The following ROBO2 variants were observed in gnomAD, a reference collection of about 807,000 sequenced individuals.
The protein encoded by ROBO2 is roundabout homolog 2.
Under a neutral mutation model 160.8 loss-of-function variants are expected in ROBO2, and 53 were observed. The ratio of observed to expected loss-of-function variants is 0.33; its 90% CI spans 0.26 to 0.41. ROBO2 has a LOEUF of 0.41. Among genes scored for constraint, ROBO2 ranks in the 10% least tolerant of loss-of-function variants. The pLI is 1.00. For missense variants in ROBO2, 1,577 were observed against 1,722.4 expected, an observed-to-expected ratio of 0.92 and a Z score of 1.49; for synonymous variants, 664 against 611.7, an observed-to-expected ratio of 1.09 and a Z score of -1.26.
chr3:76,854,622 A>G (rs2069838524), intron 2 of ROBO2, among the ~76,000 whole-genome samples: 1 of 152,128 alleles, frequency 6.6e-6, no homozygotes. Context: ...CTTGTTTCAG[A>G]TTTCTGCAAA....
At chr3:77,392,776 C>T (rs1439079288) in intron 2 of ROBO2, among the ~76,000 whole-genome samples, 1 of 152,116 alleles carries the variant, frequency 6.6e-6, no homozygotes, top group Admixed American at 6.5e-5. Context: ...AAACATAGTA[C>T]TATTTTTTTA....
chr3:76,793,339 AAAACCC>A (rs2063486608), intron 2 of ROBO2, among the ~76,000 whole-genome samples: 2 of 151,904 alleles, frequency 1.3e-5, no homozygotes, highest in South Asian at 4.1e-4. Flanking sequence ...ACAAAATGCC[AAAACCC>A]AAGATCCACA....
intron 2 of ROBO2, among the ~76,000 whole-genome samples, chr3:76,821,465 A>G (rs1319031515): frequency 6.6e-6 from 1 of 152,056 alleles, no homozygotes. Context: ...AATTTTTAAA[A>G]TCATACCTAT....
At chr3:76,720,064 T>G (rs558671161) in intron 2 of ROBO2, among the ~76,000 whole-genome samples, 2 of 152,228 alleles carry the variant, frequency 1.3e-5, no homozygotes, top group South Asian at 4.1e-4. Flanking sequence ...TGCGATGGAA[T>G]TAGGAGATGG....
intron 2 of ROBO2, among the ~76,000 whole-genome samples, chr3:77,207,939 A>C (rs181726334): frequency 8.3e-4 from 127 of 152,288 alleles, no homozygotes; most frequent in Non-Finnish European, 1.3e-3. Flanking sequence ...GATTTCATAC[A>C]CAACAGGAGC....
At chr3:76,002,881 C>T (rs2065926795) in intron 2 of ROBO2, among the ~76,000 whole-genome samples, 1 of 152,148 alleles carries the variant, frequency 6.6e-6, no homozygotes, top group Admixed American at 6.5e-5. Flanking sequence ...AACTCTGAGA[C>T]AGTACACTTC....
intron 2 of ROBO2, among the ~76,000 whole-genome samples, chr3:77,199,572 G>A (rs527793704): frequency 1.6e-3 from 241 of 151,446 alleles, no homozygotes; most frequent in Admixed American, 3.0e-3. Flanking sequence ...TATTCATAGC[G>A]GACACTCAGT....
intron 2 of ROBO2, among the ~76,000 whole-genome samples, chr3:77,309,902 A>G (rs2063399836): frequency 6.6e-6 from 1 of 152,242 alleles, no homozygotes; most frequent in Non-Finnish European, 1.5e-5. Context: ...ATTAATGCCA[A>G]AAGTGATTTC....
intron 2 of ROBO2, among the ~76,000 whole-genome samples, chr3:76,093,392 T>G (rs2069310236): frequency 6.6e-6 from 1 of 151,346 alleles, no homozygotes; most frequent in Non-Finnish European, 1.5e-5. Context: ...ACAATTTTCT[T>G]TCTGTCAAAA....
At chr3:77,263,648 T>C (rs1359367977) in intron 2 of ROBO2, among the ~76,000 whole-genome samples, 3 of 152,236 alleles carry the variant, frequency 2.0e-5, no homozygotes, top group Non-Finnish European at 4.4e-5. Context: ...TTATCTAGTC[T>C]ATCACTGATG....
At chr3:76,927,239 TC>T (rs1218631591) in intron 2 of ROBO2, among the ~76,000 whole-genome samples, 1 of 152,168 alleles carries the variant, frequency 6.6e-6, no homozygotes, top group Admixed American at 6.5e-5. Flanking sequence ...TGAAATACAT[TC>T]CCATAATGTT....
At chr3:76,635,092 G>A (rs2090255264) in intron 2 of ROBO2, among the ~76,000 whole-genome samples, 2 of 152,136 alleles carry the variant, frequency 1.3e-5, no homozygotes, top group African/African-American at 4.8e-5. Flanking sequence ...CCAAAATGTC[G>A]GGGACCGCTG....
intron 2 of ROBO2, among the ~76,000 whole-genome samples, chr3:76,923,366 G>T (rs1011622937): frequency 6.6e-6 from 1 of 152,196 alleles, no homozygotes; most frequent in Non-Finnish European, 1.5e-5. Flanking sequence ...ACTATGATTT[G>T]CTCTAGAAGG....
chr3:77,188,810 T>G (rs2081524154), intron 2 of ROBO2, among the ~76,000 whole-genome samples: 6 of 151,982 alleles, frequency 3.9e-5, no homozygotes. Flanking sequence ...AGAATTATAG[T>G]CTTACATAGA....
chr3:77,019,412 A>G (rs1371649519), intron 2 of ROBO2, among the ~76,000 whole-genome samples: 2 of 152,194 alleles, frequency 1.3e-5, no homozygotes, highest in Non-Finnish European at 2.9e-5. Flanking sequence ...ACTAACTGAT[A>G]ACATCACATT....
intron 2 of ROBO2, among the ~76,000 whole-genome samples, chr3:75,999,975 AAG>A (rs1370555182): frequency 1.3e-5 from 2 of 152,218 alleles, no homozygotes; most frequent in Admixed American, 6.5e-5. Flanking sequence ...TCTTTAATAA[AAG>A]AAATATTTAT....
At chr3:76,900,571 G>A (rs955629865) in intron 2 of ROBO2, among the ~76,000 whole-genome samples, 1 of 152,098 alleles carries the variant, frequency 6.6e-6, no homozygotes, top group African/African-American at 2.4e-5. Context: ...AAACAATGTT[G>A]GTTATTGGAA....
At chr3:77,103,361 G>A (rs1020497871) in intron 2 of ROBO2, among the ~76,000 whole-genome samples, 17 of 151,834 alleles carry the variant, frequency 1.1e-4, no homozygotes, top group African/African-American at 3.6e-4. Context: ...CGCTTTAGTG[G>A]CAAGGAGGTT....
intron 2 of ROBO2, among the ~76,000 whole-genome samples, chr3:76,163,954 G>A (rs1402892153): frequency 6.6e-6 from 1 of 152,112 alleles, no homozygotes; most frequent in Non-Finnish European, 1.5e-5. Context: ...TTTCACAAAA[G>A]ATTTCTCTGT....
Sources: allele counts gnomAD v4.1 joint callset (sites outside exome capture counted in the v4.1 genomes callset), GRCh38; gene constraint gnomAD v4.1.1; transcripts MANE v1.5; gene names NCBI Gene and HGNC (gene_info 2026-07-23, HGNC 2026-07-21).